The following PTPRT variants were observed in gnomAD, a reference collection of about 807,000 sequenced individuals.
The protein encoded by PTPRT is receptor-type tyrosine-protein phosphatase T.
In PTPRT, 56 loss-of-function variants were observed where a neutral mutation model predicts 176.8. That is an observed-to-expected ratio of 0.32 (90% CI 0.26 to 0.40). The LOEUF (loss-of-function observed/expected upper bound fraction) is 0.40, where lower values mean the gene tolerates loss of function less well. Among genes scored for constraint, PTPRT ranks in the 10% least tolerant of loss-of-function variants. The probability of loss-of-function intolerance (pLI) is 1.00; values close to 1 mark genes in which losing one functional copy is unlikely to be tolerated. For missense variants in PTPRT, 1,540 were observed against 1,908.2 expected (o/e 0.81, Z 3.60); for synonymous variants, 783 against 739.0 (o/e 1.06, Z -0.96).
chr20:43,109,560 TA>T (rs2012772438), intron 1 of PTPRT, among the ~76,000 whole-genome samples: 1 of 152,162 alleles, frequency 6.6e-6, no homozygotes, highest in Admixed American at 6.5e-5. Context: ...ACTCTTGTGC[TA>T]GGGGCTGAGG....
In PTPRT at chr20:42,110,347, T is replaced by A. The variant is rs867853291; in HGVS notation, c.3240A>T (p.Ile1080=). 6.2e-7 allele frequency: 1 copy of A among 1,611,898 alleles called. No individual in the cohort carries two copies. The highest frequency in any genetic ancestry group is 1.3e-5 in the African/African-American group (1 of 75,024). ...CTTTGACTTACCTGCAGTGGACCAC[T>A]ATGGGCCCAGCTTCCGGGGGGTTGA... is the stretch of plus-strand genomic sequence containing the variant. ...KFLNPPEAGP[I]VVHCSAGAGR... Residue 1080 remains isoleucine, a synonymous_variant, in exon 23 of 31, where the codon ATA becomes ATT. Coordinates refer to ENST00000373187, the MANE Select transcript of PTPRT (RefSeq NM_007050.6).
intron 7 of PTPRT, among the ~76,000 whole-genome samples, chr20:42,584,182 A>G (rs902564181): frequency 6.6e-6 from 1 of 152,192 alleles, no homozygotes; most frequent in African/African-American, 2.4e-5. Flanking sequence ...ATTCCTGACC[A>G]CAAAATCATG....
intron 1 of PTPRT, among the ~76,000 whole-genome samples, chr20:43,010,211 A>G (rs1985047677): frequency 6.6e-6 from 1 of 151,892 alleles, no homozygotes; most frequent in South Asian, 2.1e-4. Context: ...CATCCCCCCA[A>G]TCATCAGCCT....
chr20:42,772,768 G>T (rs1437525165), intron 4 of PTPRT, among the ~76,000 whole-genome samples: 2 of 152,176 alleles, frequency 1.3e-5, no homozygotes, highest in African/African-American at 4.8e-5. Flanking sequence ...TTTCTACAAG[G>T]AGTCAAATAC....
intron 1 of PTPRT, among the ~76,000 whole-genome samples, chr20:43,143,185 T>A (rs1296352490): frequency 6.6e-6 from 1 of 152,152 alleles, no homozygotes; most frequent in African/African-American, 2.4e-5. Flanking sequence ...CACCCTGGGT[T>A]ACTCCCAACA....
intron 11 of PTPRT, among the ~76,000 whole-genome samples, 164 bp from the exon 12 acceptor site, chr20:42,316,160 G>C (rs1460790165): frequency 6.6e-6 from 1 of 152,118 alleles, no homozygotes; most frequent in African/African-American, 2.4e-5. Context: ...CCACGTTGTA[G>C]AACTTTACCT....
intron 12 of PTPRT, among the ~76,000 whole-genome samples, chr20:42,309,026 C>T (rs191935976): frequency 6.6e-6 from 1 of 152,280 alleles, no homozygotes; most frequent in East Asian, 1.9e-4. Flanking sequence ...AGAACAATCA[C>T]CCTGCTACTT....
intron 1 of PTPRT, among the ~76,000 whole-genome samples, chr20:42,888,987 G>A (rs562452250): frequency 6.6e-6 from 1 of 152,268 alleles, no homozygotes; most frequent in South Asian, 2.1e-4. Context: ...GATTTAAGAA[G>A]GCTCACAGCT....
chr20:42,673,394 C>T (rs940077325), intron 7 of PTPRT, among the ~76,000 whole-genome samples: 4 of 152,214 alleles, frequency 2.6e-5, no homozygotes, highest in Admixed American at 2.6e-4. Context: ...CCCAGAATTT[C>T]TGATTTATTA....
chr20:42,313,139 C>A (rs1555821816), intron 12 of PTPRT, among the ~76,000 whole-genome samples: 2 of 152,122 alleles, frequency 1.3e-5, no homozygotes, highest in Non-Finnish European at 2.9e-5. Context: ...CTGCTACACT[C>A]CCACCATCAT....
intron 13 of PTPRT, among the ~76,000 whole-genome samples, chr20:42,260,426 G>A (rs1005996281): frequency 6.6e-6 from 1 of 152,222 alleles, no homozygotes; most frequent in Non-Finnish European, 1.5e-5. Context: ...CCCACGGCCT[G>A]CACTGGGGAT....
rs142278560 is a variant in PTPRT at position 42,799,448 on chromosome 20, TG to T, written c.215-7983del. Among the ~76,000 whole-genome samples the T allele has an allele frequency of 8.4e-3, 1,285 of 152,266 alleles. 27 individuals carry two copies. The highest frequency in any genetic ancestry group is 0.029 in the African/African-American group (1,195 of 41,538). The stretch of plus-strand genomic sequence containing the variant: ...GTGATGAAAACAGACCCCGGGACAA[TG>T]TTGCAGGGCATACTGGGACCTGCGT... On this transcript the variant is annotated intron_variant, in intron 2 of 30. Coordinates refer to ENST00000373187, the MANE Select transcript of PTPRT (RefSeq NM_007050.6).
Position 42,285,887 on chromosome 20 carries a change from C to T in PTPRT, c.2140-3362G>A, listed in dbSNP as rs761831464. Among the ~76,000 whole-genome samples the T allele has an allele frequency of 2.4e-4, 36 of 151,886 alleles. 1 individual carries two copies. The highest frequency in any genetic ancestry group is 8.6e-4 in the Admixed American group (13 of 15,202). ...TACAAAAATCAGTAATGTTTCTATA[C>T]ATGAATAAACTACCTAAAAAATACA... On this transcript the variant is annotated intron_variant, in intron 12 of 30. Transcript: ENST00000373187.
intron 2 of PTPRT, among the ~76,000 whole-genome samples, chr20:42,858,913 T>C (rs538441176): frequency 7.3e-5 from 11 of 150,690 alleles, no homozygotes; most frequent in African/African-American, 2.4e-4. Flanking sequence ...AAGGGGAGAG[T>C]CTTTGTCACC....
intron 1 of PTPRT, among the ~76,000 whole-genome samples, chr20:43,066,108 G>A (rs1874064786): frequency 6.6e-6 from 1 of 151,932 alleles, no homozygotes; most frequent in Non-Finnish European, 1.5e-5. Flanking sequence ...CTGGTATTTT[G>A]CTCTTCCCAA....
intron 1 of PTPRT, among the ~76,000 whole-genome samples, chr20:43,115,585 T>C (rs1166245753): frequency 2.0e-5 from 3 of 152,154 alleles, no homozygotes; most frequent in Non-Finnish European, 4.4e-5. Context: ...GAGAAAAGTA[T>C]TACCAGCATC....
At chr20:42,974,105 T>C (rs112943286) in intron 1 of PTPRT, among the ~76,000 whole-genome samples, 1 of 152,238 alleles carries the variant, frequency 6.6e-6, no homozygotes, top group Admixed American at 6.5e-5. Flanking sequence ...CACCCACCCA[T>C]ATCCCGCCAA....
intron 3 of PTPRT, among the ~76,000 whole-genome samples, chr20:42,784,453 CT>C (rs1161418929): frequency 2.0e-5 from 3 of 152,154 alleles, no homozygotes; most frequent in Non-Finnish European, 4.4e-5. Context: ...TTAAGAGAGA[CT>C]TTTTTTACCC....
At chr20:42,239,264 C>T (rs1380783652) in intron 14 of PTPRT, among the ~76,000 whole-genome samples, 1 of 152,124 alleles carries the variant, frequency 6.6e-6, no homozygotes, top group Non-Finnish European at 1.5e-5. Context: ...CTCATGTATT[C>T]CTCACAGTTG....
Sources: gnomAD v4.1 joint callset for allele counts (sites outside exome capture counted in the v4.1 genomes callset) on GRCh38, gnomAD v4.1.1 for gene constraint, MANE v1.5 for transcripts, NCBI Gene and HGNC (gene_info 2026-07-23, HGNC 2026-07-21) for gene names.